EXOG: variants seen among roughly 807,000 people sequenced by gnomAD.
The protein encoded by EXOG is nuclease EXOG, mitochondrial.
In EXOG, 27 loss-of-function variants were observed where a neutral mutation model predicts 25.8. That is an observed-to-expected ratio of 1.05 (90% CI 0.77 to 1.45). The LOEUF is 1.45. Among genes scored for constraint, EXOG ranks in the 40% most tolerant of loss-of-function variants. The pLI, the probability that EXOG is intolerant of heterozygous loss-of-function variation, is 0.00. For missense variants in EXOG, 458 were observed against 450.5 expected, an observed-to-expected ratio of 1.02 and a Z score of -0.15; for synonymous variants, 133 against 167.0, an observed-to-expected ratio of 0.80 and a Z score of 1.57.
intron 4 of EXOG, among the ~76,000 whole-genome samples, chr3:38,504,639 T>G (rs1027568154): frequency 3.9e-5 from 6 of 152,216 alleles, no homozygotes; most frequent in Admixed American, 3.9e-4. Flanking sequence ...TTTCACTATG[T>G]TGGCCAGGCT....
At chr3:38,519,110 C>T (rs1006181865) in intron 5 of EXOG, among the ~76,000 whole-genome samples, 1 of 152,156 alleles carries the variant, frequency 6.6e-6, no homozygotes, top group Non-Finnish European at 1.5e-5. Context: ...TCCTTATAGC[C>T]AGGCAGAAAT....
At chr3:38,514,265 G>T (rs2060464510) in intron 5 of EXOG, among the ~76,000 whole-genome samples, 1 of 152,160 alleles carries the variant, frequency 6.6e-6, no homozygotes, top group African/African-American at 2.4e-5. Flanking sequence ...TGTGGAACCT[G>T]GAAGGCCAGT....
intron 5 of EXOG, chr3:38,523,219 G>A: frequency 1.6e-6 from 2 of 1,289,046 alleles, no homozygotes; most frequent in South Asian, 2.5e-5. Context: ...AATGTTTGGA[G>A]CACCAGAAGT....
intron 2 of EXOG, chr3:38,498,962 T>G (rs2059971110): frequency 2.2e-6 from 1 of 456,766 alleles, no homozygotes; most frequent in Non-Finnish European, 4.4e-6. Context: ...GCATCATTGT[T>G]TCTTCTCTCT....
intron 5 of EXOG, among the ~76,000 whole-genome samples, chr3:38,521,353 A>G (rs2060710126): frequency 6.6e-6 from 1 of 152,232 alleles, no homozygotes; most frequent in Non-Finnish European, 1.5e-5. Context: ...AGAGTTTTTA[A>G]ACACCTATAG....
chr3:38,497,603 C>A lies in EXOG; in HGVS notation c.164-26C>A, dbSNP rs758973838. 9 of 1,504,130 alleles carry A rather than the reference C, an allele frequency of 6.0e-6. No individual in the cohort carries two copies. In the South Asian group the frequency reaches 6.2e-5, roughly 10 times the overall value. The allele number at this position is 1,504,130 out of a possible 1,614,324, so 93.2% of individuals were successfully genotyped here. The stretch of plus-strand genomic sequence containing the variant: ...GTGTGTTTTTTTTGTCTCTGCCCCC[C>A]CTTTTTTTTTTTTTTTCATTTTTAG... On this transcript the variant is annotated intron_variant, in intron 1 of 5. Coordinates refer to ENST00000287675, the MANE Select transcript of EXOG (RefSeq NM_005107.4).
chr3:38,504,199 C>T (rs1423482821), intron 4 of EXOG, among the ~76,000 whole-genome samples: 1 of 151,936 alleles, frequency 6.6e-6, no homozygotes, highest in Non-Finnish European at 1.5e-5. Flanking sequence ...AGCCTTGTCT[C>T]TACTAAAAAT....
At chr3:38,510,691 TTA>T (rs1454308924) in intron 5 of EXOG, among the ~76,000 whole-genome samples, 1 of 149,814 alleles carries the variant, frequency 6.7e-6, no homozygotes, top group African/African-American at 2.4e-5. Context: ...ATATTAAATA[TTA>T]TATAGATATT....
chr3:38,496,898 C>A (rs2059906838), intron 1 of EXOG: 2 of 1,209,410 alleles, frequency 1.7e-6, no homozygotes, highest in Non-Finnish European at 2.2e-6. Flanking sequence ...ATCATCTAAC[C>A]AGCACAGTAC....
At chr3:38,508,066 G>A (rs1290414701) in intron 5 of EXOG, among the ~76,000 whole-genome samples, 1 of 152,156 alleles carries the variant, frequency 6.6e-6, no homozygotes, top group East Asian at 1.9e-4. Flanking sequence ...AGGAGGCGGA[G>A]GTTGCACTGA....
intron 3 of EXOG, among the ~76,000 whole-genome samples, chr3:38,503,051 G>A (rs2060095450): frequency 6.6e-6 from 1 of 152,160 alleles, no homozygotes; most frequent in African/African-American, 2.4e-5. Flanking sequence ...ATTCCAATGT[G>A]CACCCAAGAT....
At chr3:38,503,241 T>C (rs557639348) in intron 3 of EXOG, among the ~76,000 whole-genome samples, 4 of 152,352 alleles carry the variant, frequency 2.6e-5, no homozygotes, top group Non-Finnish European at 5.9e-5. Flanking sequence ...TGAACTAGTA[T>C]GTTTGTACTG....
At position 38,496,372 on chromosome 3, in the gene EXOG, C is replaced by G. The variant is rs2125739648; in HGVS notation, c.5C>G (p.Ala2Gly). The change falls in exon 1 of 6, where the codon GCT becomes GGT. Residue 2 changes from alanine (A) to glycine (G), a missense_variant. Ala to Gly is a moderately conservative substitution (Grantham distance 60). Around this residue, in one of 3 missense-constraint regions of EXOG, gnomAD observed 275 missense variants for 230.5 expected, o/e 1.19. Transcript: ENST00000287675. M[A>G]IKSIASRLRG... is the part of the protein sequence containing the mutation. ...AAGGCCGGTACCTCGGGCAAGATGGCTATCAAGAGTATCGCTTCCCGCCTC... is the reference window on the plus strand; with the variant it reads ...AAGGCCGGTACCTCGGGCAAGATGGGTATCAAGAGTATCGCTTCCCGCCTC... 1 of 1,613,312 alleles carries G rather than the reference C, an allele frequency of 6.2e-7. No individual in the cohort carries two copies. Among genetic ancestry groups the G allele is most frequent in the African/African-American group, 1.3e-5 (1 of 75,030 alleles).
chr3:38,505,209 G>A (rs943695294), intron 4 of EXOG, among the ~76,000 whole-genome samples: 3 of 151,658 alleles, frequency 2.0e-5, no homozygotes, highest in Non-Finnish European at 2.9e-5. Context: ...ATTCAAATAA[G>A]ATAGACACAA....
chr3:38,501,213 A>G, intron 2 of EXOG, 142 bp from the exon 3 acceptor site: 1 of 667,104 alleles, frequency 1.5e-6, no homozygotes, highest in South Asian at 1.8e-5. Flanking sequence ...GAACTATCCC[A>G]GGAACTTGAG....
intron 5 of EXOG, chr3:38,519,522 G>A (rs781661083): frequency 6.6e-6 from 1 of 152,176 alleles, no homozygotes; most frequent in African/African-American, 2.4e-5. Context: ...GGAGTCTTGA[G>A]ACATCATTTG....
intron 4 of EXOG, among the ~76,000 whole-genome samples, chr3:38,504,585 G>A (rs180849212): frequency 5.9e-4 from 90 of 152,016 alleles, no homozygotes; most frequent in African/African-American, 2.0e-3. Flanking sequence ...ATAGGCACAC[G>A]CCACCACACC....
chr3:38,497,609 T>G lies in EXOG; in HGVS notation c.164-20T>G. The G allele has an allele frequency of 6.5e-7, 1 of 1,535,322 alleles. No homozygotes were observed. Among genetic ancestry groups the G allele is most frequent in the Non-Finnish European group, 8.7e-7 (1 of 1,150,642 alleles). On this transcript the variant is annotated intron_variant, in intron 1 of 5. Coordinates refer to ENST00000287675, the MANE Select transcript of EXOG (RefSeq NM_005107.4). Reference sequence around the variant, plus strand: ...TTTTTTTGTCTCTGCCCCCCCTTTTTTTTTTTTTTTCATTTTTAGGATCTG... The same window carrying G: ...TTTTTTTGTCTCTGCCCCCCCTTTTGTTTTTTTTTTCATTTTTAGGATCTG...
At chr3:38,504,287 G>C (rs1293877312) in intron 4 of EXOG, among the ~76,000 whole-genome samples, 1 of 151,858 alleles carries the variant, frequency 6.6e-6, no homozygotes, top group African/African-American at 2.4e-5. Context: ...AATCACTTGA[G>C]CCCAGGAGTT....
Sources: allele counts gnomAD v4.1 joint callset (sites outside exome capture counted in the v4.1 genomes callset), GRCh38; gene constraint gnomAD v4.1.1; regional missense constraint gnomAD v4.1.1; transcripts MANE v1.5; gene names NCBI Gene and HGNC (gene_info 2026-07-23, HGNC 2026-07-21).